Variants in CDK13 observed in about 807,000 individuals in gnomAD.
CDK13 encodes cyclin-dependent kinase 13.
In CDK13, 40 loss-of-function variants were observed where a neutral mutation model predicts 137.6. That is an observed-to-expected ratio of 0.29 (90% CI 0.23 to 0.38). CDK13 has a LOEUF of 0.38. Among genes scored for constraint, CDK13 ranks in the 10% least tolerant of loss-of-function variants. The pLI is 1.00. For missense variants in CDK13, 1,704 were observed against 1,951.8 expected (o/e 0.87, Z 2.39); for synonymous variants, 869 against 760.1 (o/e 1.14, Z -2.36).
intron 1 of CDK13, among the ~76,000 whole-genome samples, chr7:39,983,108 G>C (rs1246419865): frequency 6.6e-6 from 1 of 152,132 alleles, no homozygotes; most frequent in Non-Finnish European, 1.5e-5. Flanking sequence ...CCTATGTCCT[G>C]AATGGTAATG....
chr7:39,997,353 G>C (rs1420192609), intron 2 of CDK13, 141 bp from the exon 3 acceptor site: 2 of 696,716 alleles, frequency 2.9e-6, no homozygotes, highest in Non-Finnish European at 4.8e-6. Flanking sequence ...ACTTTAGCTG[G>C]AAAGAAACTT....
intron 7 of CDK13, chr7:40,049,272 G>C (rs995717757): frequency 2.7e-5 from 4 of 150,882 alleles, no homozygotes; most frequent in Non-Finnish European, 5.9e-5. Context: ...AGGAAAGAAA[G>C]TGTTCTGTGG....
intron 5 of CDK13, among the ~76,000 whole-genome samples, chr7:40,022,621 G>A (rs905424726): frequency 6.6e-6 from 1 of 151,800 alleles, no homozygotes; most frequent in African/African-American, 2.4e-5. Context: ...ATTGGGGCTG[G>A]GGTGGGGTTA....
At chr7:40,021,114 T>TACACACAC (rs1261518119) in intron 5 of CDK13, among the ~76,000 whole-genome samples, 2 of 94,764 alleles carry the variant, frequency 2.1e-5, no homozygotes, top group African/African-American at 7.7e-5. Flanking sequence ...TATATATATA[T>TACACACAC]ATATATATAC....
At position 40,077,969 on chromosome 7, in the gene CDK13, T is replaced by C. The variant is rs779150168; in HGVS notation, c.2781-36T>C. The C allele has an allele frequency of 1.4e-5, 13 of 903,532 alleles. No homozygotes were observed. In the East Asian group the frequency reaches 3.3e-4, roughly 23 times the overall value. The allele number at this position is 903,532 out of a possible 1,614,324, so 56.0% of individuals were successfully genotyped here. A position where few individuals can be genotyped will look rare whatever the true frequency, so the allele number is the denominator to read the frequency against. On this transcript the variant is annotated intron_variant, in intron 9 of 13. Coordinates refer to ENST00000181839, the MANE Select transcript of CDK13 (RefSeq NM_003718.5). ...ACAGTTGTATGTATTCTTTATGTAG[T>C]TGATAGTGATGTACTTCCTTTTGTG...
At chr7:40,087,453 T>A (rs1336784429) in intron 11 of CDK13, among the ~76,000 whole-genome samples, 1 of 152,154 alleles carries the variant, frequency 6.6e-6, no homozygotes, top group Admixed American at 6.5e-5. Flanking sequence ...GGAAATGGCA[T>A]ATTTTTCTGC....
chr7:40,008,327 A>C (rs908683560), intron 5 of CDK13, among the ~76,000 whole-genome samples: 1 of 152,190 alleles, frequency 6.6e-6, no homozygotes, highest in Non-Finnish European at 1.5e-5. Flanking sequence ...TACATTTTGG[A>C]CAATGAAGTT....
At chr7:39,991,389 T>C (rs1305320342) in intron 2 of CDK13, among the ~76,000 whole-genome samples, 2 of 152,208 alleles carry the variant, frequency 1.3e-5, no homozygotes, top group Non-Finnish European at 2.9e-5. Flanking sequence ...TTGCTGTATC[T>C]TAAGGAAAGC....
At chr7:40,092,403 T>C (rs2150546944) in intron 12 of CDK13, 1 of 167,286 alleles carries the variant, frequency 6.0e-6, no homozygotes, top group Non-Finnish European at 1.3e-5. Flanking sequence ...CTAAGGTTGT[T>C]GTAAGGAATA....
At chr7:39,992,604 G>A (rs1162646885) in intron 2 of CDK13, among the ~76,000 whole-genome samples, 2 of 151,670 alleles carry the variant, frequency 1.3e-5, no homozygotes, top group Non-Finnish European at 2.9e-5. Context: ...GAAATCAACA[G>A]TAGTTAATCT....
chr7:40,007,086 G>A (rs567029816), intron 5 of CDK13, among the ~76,000 whole-genome samples: 2 of 152,278 alleles, frequency 1.3e-5, no homozygotes, highest in East Asian at 3.9e-4. Context: ...ACTTAACAGT[G>A]TTTTGGTACT....
intron 6 of CDK13, among the ~76,000 whole-genome samples, chr7:40,047,582 T>G (rs916292376): frequency 4.6e-5 from 7 of 151,638 alleles, no homozygotes; most frequent in Non-Finnish European, 1.0e-4. Context: ...ACAGTAATTA[T>G]AATAATCATA....
chr7:40,082,172 T>G (rs1407058618), intron 11 of CDK13, among the ~76,000 whole-genome samples: 1 of 152,078 alleles, frequency 6.6e-6, no homozygotes, highest in Non-Finnish European at 1.5e-5. Flanking sequence ...CCTTCGACAT[T>G]ATGTGTGAAA....
chr7:39,973,721 T>A (rs1784048779), intron 1 of CDK13, among the ~76,000 whole-genome samples: 1 of 152,230 alleles, frequency 6.6e-6, no homozygotes, highest in Admixed American at 6.5e-5. Context: ...AATTTTATAG[T>A]TATAGCTCCT....
intron 11 of CDK13, among the ~76,000 whole-genome samples, chr7:40,082,416 G>T (rs1241296693): frequency 6.7e-6 from 1 of 148,744 alleles, no homozygotes; most frequent in East Asian, 2.0e-4. Context: ...AACCTGGGAG[G>T]CAGAGGTTGT....
At chr7:40,078,943 A>T in intron 11 of CDK13, 92 bp downstream of exon 11, 1 of 397,706 alleles carries the variant, frequency 2.5e-6, no homozygotes, top group Non-Finnish European at 3.7e-6. Context: ...AAGATATTTC[A>T]TGTCTGGTTA....
rs1341365481 is a variant in CDK13, at chr7:40,045,449, T to TA, written c.2354-385dup. ...CCTGTACTCTTTTTTTTTTTTTTTT[T>TA]AATTAAAAGCAGTTCTTTTACCAAC... On this transcript the variant is annotated intron_variant, in intron 5 of 13. Transcript: ENST00000181839. Among the ~76,000 whole-genome samples, 3 of 146,046 alleles carry TA rather than the reference T, an allele frequency of 2.1e-5. No individual in the cohort carries two copies. The South Asian group carries it at 6.3e-4, about 31-fold the overall frequency.
chr7:40,027,093 C>T (rs1028147697), intron 5 of CDK13, among the ~76,000 whole-genome samples: 5 of 152,120 alleles, frequency 3.3e-5, no homozygotes, highest in African/African-American at 1.2e-4. Flanking sequence ...CTTGTAATCC[C>T]AGCATTTTGG....
rs776358505 is a variant in CDK13, at chr7:39,951,867, T to G, written c.1211+15T>G. The G allele has an allele frequency of 8.1e-6, 11 of 1,350,732 alleles. No individual in the cohort carries two copies. The highest frequency in any genetic ancestry group is 1.0e-5 in the Non-Finnish European group (11 of 1,049,972). 83.7% of individuals were successfully genotyped at this position (1,350,732 alleles called of 1,614,324 possible). ...CCTGTGCTCAGGTGAGTTCTGCCGT[T>G]CTGCCTGTGTGTGCCTTGGCTGCGC... On this transcript the variant is annotated intron_variant, in intron 1 of 13. Coordinates refer to ENST00000181839, the MANE Select transcript of CDK13 (RefSeq NM_003718.5).
Sources: allele counts gnomAD v4.1 joint callset (sites outside exome capture counted in the v4.1 genomes callset), GRCh38; gene constraint gnomAD v4.1.1; transcripts MANE v1.5; gene names NCBI Gene and HGNC (gene_info 2026-07-23, HGNC 2026-07-21).